Variants in CALD1 observed in about 807,000 individuals in gnomAD.
CALD1 encodes the protein caldesmon.
Under a neutral mutation model 99.9 loss-of-function variants are expected in CALD1, and 33 were observed. That is an observed-to-expected ratio of 0.33 (90% CI 0.25 to 0.44). The LOEUF (loss-of-function observed/expected upper bound fraction) is 0.44, where lower values mean the gene tolerates loss of function less well. CALD1 is among the 20% of genes least tolerant of loss of function. CALD1 has a pLI of 1.00. For synonymous variants in CALD1, 310 were observed against 325.0 expected (o/e 0.95, Z 0.50); for missense variants, 861 against 962.1 (o/e 0.89, Z 1.39).
intron 2 of CALD1, among the ~76,000 whole-genome samples, chr7:134,850,525 T>C (rs1800032317): frequency 6.6e-6 from 1 of 152,216 alleles, no homozygotes; most frequent in Non-Finnish European, 1.5e-5. Flanking sequence ...TAAACTGATA[T>C]TATCACAGTT....
At chr7:134,892,938 T>G (rs1802312855) in intron 3 of CALD1, among the ~76,000 whole-genome samples, 1 of 151,330 alleles carries the variant, frequency 6.6e-6, no homozygotes. Flanking sequence ...CTCCATGGAA[T>G]AGTTCAGAAA....
At chr7:134,936,743 C>T (rs1806010872) in intron 6 of CALD1, among the ~76,000 whole-genome samples, 1 of 152,084 alleles carries the variant, frequency 6.6e-6, no homozygotes, top group African/African-American at 2.4e-5. Flanking sequence ...AAAATGAAAA[C>T]CCCTAGTTCA....
intron 3 of CALD1, among the ~76,000 whole-genome samples, chr7:134,904,121 G>A (rs1803197441): frequency 2.6e-5 from 4 of 152,040 alleles, no homozygotes; most frequent in African/African-American, 7.3e-5. Context: ...TACTCGGGAG[G>A]CTGAGGCAAG....
chr7:134,784,345 A>G (rs1395262699), intron 1 of CALD1, among the ~76,000 whole-genome samples: 2 of 152,230 alleles, frequency 1.3e-5, no homozygotes, highest in African/African-American at 4.8e-5. Context: ...TTGCTGGGGA[A>G]CCAGGCTGAC....
chr7:134,791,984 G>A (rs9641994), intron 1 of CALD1, among the ~76,000 whole-genome samples: 12,178 of 152,278 alleles, frequency 0.08, 634 homozygotes, highest in Non-Finnish European at 0.11. Flanking sequence ...GGGGGCAACT[G>A]CCGCCGTGAT....
chr7:134,843,634 C>A (rs1028791406), intron 1 of CALD1, among the ~76,000 whole-genome samples: 1 of 152,128 alleles, frequency 6.6e-6, no homozygotes, highest in African/African-American at 2.4e-5. Flanking sequence ...TAGATACTAT[C>A]CCTGGGTTTG....
chr7:134,882,454 A>G (rs1801649809), intron 3 of CALD1, among the ~76,000 whole-genome samples: 1 of 152,300 alleles, frequency 6.6e-6, no homozygotes, highest in South Asian at 2.1e-4. Flanking sequence ...GTAAGAGTCC[A>G]TTTCCTTTTG....
chr7:134,895,183 T>A (rs1173916779), intron 3 of CALD1, among the ~76,000 whole-genome samples: 1 of 151,846 alleles, frequency 6.6e-6, no homozygotes, highest in East Asian at 1.9e-4. Context: ...ACAAAGGAAA[T>A]AAACATAAGA....
At chr7:134,730,438 T>C in the CALD1 span, among the ~76,000 whole-genome samples, 1 of 152,174 alleles carries the variant, frequency 6.6e-6, no homozygotes, top group African/African-American at 2.4e-5. Context: ...AACTTCCCAA[T>C]TCTTTCATCC....
At chr7:134,938,055 G>A (rs534597278) in intron 6 of CALD1, among the ~76,000 whole-genome samples, 4 of 152,114 alleles carry the variant, frequency 2.6e-5, no homozygotes, top group African/African-American at 9.6e-5. Context: ...TAGTGTGCAT[G>A]CAAATCACCT....
chr7:134,712,225 C>T, the CALD1 span, among the ~76,000 whole-genome samples: 1 of 152,176 alleles, frequency 6.6e-6, no homozygotes, highest in Admixed American at 6.5e-5. Flanking sequence ...AGATCTCTTA[C>T]CATTTCCTCC....
At chr7:134,779,159 G>C (rs1370979371), upstream of CALD1, among the ~76,000 whole-genome samples, 2 of 152,188 alleles carry the variant, frequency 1.3e-5, no homozygotes, top group Admixed American at 6.5e-5. Flanking sequence ...CCTCTGGTAA[G>C]AAGCCTTCCC....
At chr7:134,733,837 C>CA in the CALD1 span, among the ~76,000 whole-genome samples, 1 of 148,534 alleles carries the variant, frequency 6.7e-6, no homozygotes, top group Non-Finnish European at 1.5e-5. Flanking sequence ...CAAAAAAAAA[C>CA]AAAATAGGTC....
chr7:134,905,161 C>A (rs1012504722), intron 3 of CALD1, among the ~76,000 whole-genome samples: 11 of 152,062 alleles, frequency 7.2e-5, no homozygotes, highest in Non-Finnish European at 1.5e-4. Context: ...TTAGAAAAAT[C>A]TTTTCTGCCC....
intron 8 of CALD1, among the ~76,000 whole-genome samples, chr7:134,949,570 G>A (rs529015778): frequency 4.6e-5 from 7 of 152,180 alleles, no homozygotes; most frequent in African/African-American, 9.6e-5. Context: ...CACTTGAAGC[G>A]GGGAGCAACC....
the CALD1 span, among the ~76,000 whole-genome samples, chr7:134,726,418 T>C: frequency 7.5e-6 from 1 of 133,522 alleles, no homozygotes; most frequent in African/African-American, 2.8e-5. Context: ...TAGCTTTATA[T>C]ATATAATATA....
chr7:134,940,026 G>A (rs558134204), intron 6 of CALD1, among the ~76,000 whole-genome samples: 2 of 152,076 alleles, frequency 1.3e-5, no homozygotes, highest in Non-Finnish European at 2.9e-5. Context: ...TAGGTGAGAA[G>A]AGGTGAGTGA....
chr7:134,781,239 A>AT (rs924451341), intron 1 of CALD1, among the ~76,000 whole-genome samples: 64 of 152,260 alleles, frequency 4.2e-4, no homozygotes, highest in African/African-American at 1.5e-3. Context: ...ATGGAGAGCA[A>AT]TTTTTCTTTT....
intron 1 of CALD1, among the ~76,000 whole-genome samples, chr7:134,758,199 T>G (rs1415741785): frequency 6.6e-6 from 1 of 152,244 alleles, no homozygotes; most frequent in Non-Finnish European, 1.5e-5. Flanking sequence ...TGTGAGATGA[T>G]GCAAAGCTAA....
Sources: gnomAD v4.1 joint callset for allele counts (sites outside exome capture counted in the v4.1 genomes callset) on GRCh38, gnomAD v4.1.1 for gene constraint, MANE v1.5 for transcripts, NCBI Gene and HGNC (gene_info 2026-07-23, HGNC 2026-07-21) for gene names.